Variants in ARL15 observed in about 807,000 individuals in gnomAD.
ARL15 encodes the protein ADP-ribosylation factor-like protein 15.
A neutral mutation model predicts 25.2 loss-of-function variants in ARL15; 19 were observed. That is an observed-to-expected ratio of 0.75 (90% CI 0.53 to 1.10). ARL15 has a LOEUF of 1.10. ARL15 is among the 50% of genes least tolerant of loss of function. The probability of loss-of-function intolerance (pLI) is 0.00; values close to 1 mark genes in which losing one functional copy is unlikely to be tolerated. For synonymous variants in ARL15, 94 were observed against 86.8 expected, an observed-to-expected ratio of 1.08 and a Z score of -0.46; for missense variants, 220 against 246.0, an observed-to-expected ratio of 0.89 and a Z score of 0.71.
At chr5:53,941,834 C>T (rs879815775) in intron 4 of ARL15, among the ~76,000 whole-genome samples, 4 of 152,090 alleles carry the variant, frequency 2.6e-5, no homozygotes, top group Admixed American at 2.0e-4. Context: ...GCCCACCTCT[C>T]TACAGGGTGC....
At chr5:54,226,871 A>G (rs1756533888) in intron 1 of ARL15, among the ~76,000 whole-genome samples, 1 of 152,098 alleles carries the variant, frequency 6.6e-6, no homozygotes, top group Non-Finnish European at 1.5e-5. Context: ...GCCCAGTGGG[A>G]GATAACTGAA....
chr5:54,199,365 A>G (rs1280668067), intron 1 of ARL15, among the ~76,000 whole-genome samples: 1 of 151,580 alleles, frequency 6.6e-6, no homozygotes, highest in African/African-American at 2.4e-5. Context: ...CAGGCAACCC[A>G]CAAAATGGGA....
intron 4 of ARL15, among the ~76,000 whole-genome samples, chr5:54,023,313 C>T (rs1749676146): frequency 1.3e-5 from 1 of 74,852 alleles, no homozygotes; most frequent in African/African-American, 4.4e-5. Flanking sequence ...AAAAATATTA[C>T]AGATATATGG....
At chr5:54,234,087 C>T (rs1398012340) in intron 1 of ARL15, among the ~76,000 whole-genome samples, 2 of 152,130 alleles carry the variant, frequency 1.3e-5, no homozygotes, top group Non-Finnish European at 2.9e-5. Context: ...CCTCTGCTTC[C>T]CTGATTCAAG....
chr5:54,208,861 G>A (rs556084818), intron 1 of ARL15, among the ~76,000 whole-genome samples: 109 of 152,222 alleles, frequency 7.2e-4, no homozygotes, highest in African/African-American at 2.1e-3. Context: ...CCAGATTGGC[G>A]TAGATCAGAA....
At position 53,950,874 on chromosome 5, in the gene ARL15, A is replaced by G. The variant is rs1265370871; in HGVS notation, c.463-64161T>C. 2.0e-5 allele frequency among the ~76,000 whole-genome samples: 3 copies of G among 152,340 alleles called. No individual in the cohort carries two copies. In the East Asian group the frequency reaches 5.8e-4, roughly 29 times the overall value. ...AAAGTAAGTGGCAATTAAAATCCCGAGACAGACGGGAACACTGAGACTAAG... is the reference window on the plus strand; with the variant it reads ...AAAGTAAGTGGCAATTAAAATCCCGGGACAGACGGGAACACTGAGACTAAG... On this transcript the variant is annotated intron_variant, in intron 4 of 4. Coordinates refer to ENST00000504924, the MANE Select transcript of ARL15 (RefSeq NM_019087.3).
intron 3 of ARL15, among the ~76,000 whole-genome samples, chr5:54,139,454 A>T (rs75050060): frequency 0.016 from 2,392 of 152,300 alleles, 57 homozygotes; most frequent in African/African-American, 0.053. Context: ...ATAAGTGGGA[A>T]CTAAGCTATG....
chr5:54,014,633 G>A (rs769000337), intron 4 of ARL15, among the ~76,000 whole-genome samples: 4 of 151,696 alleles, frequency 2.6e-5, no homozygotes, highest in Non-Finnish European at 5.9e-5. Flanking sequence ...CTATTCTCCT[G>A]TCTCAGCCTC....
intron 1 of ARL15, among the ~76,000 whole-genome samples, chr5:54,182,946 T>C (rs903618849): frequency 2.0e-5 from 3 of 147,374 alleles, no homozygotes; most frequent in Admixed American, 6.8e-5. Flanking sequence ...TTTGGCTCTC[T>C]GTTTGTCTGT....
chr5:53,943,844 A>G lies in ARL15; in HGVS notation c.463-57131T>C, dbSNP rs186580535. Among the ~76,000 whole-genome samples, 7 of 152,358 alleles carry G rather than the reference A, an allele frequency of 4.6e-5. No homozygotes were observed. In the East Asian group the frequency reaches 1.3e-3, roughly 29 times the overall value. ...GTCAAACCAGCGCTCAAAAGCTTCT[A>G]TGAATGATGGTCAGAATCAACAGGA... On this transcript the variant is annotated intron_variant, in intron 4 of 4. Coordinates refer to ENST00000504924, the MANE Select transcript of ARL15 (RefSeq NM_019087.3).
intron 1 of ARL15, among the ~76,000 whole-genome samples, chr5:54,227,896 GT>G (rs1321133113): frequency 6.6e-6 from 1 of 152,172 alleles, no homozygotes; most frequent in African/African-American, 2.4e-5. Context: ...TGCAGAAGGA[GT>G]TAACATTTTC....
chr5:54,218,279 T>C (rs1168549183), intron 1 of ARL15, among the ~76,000 whole-genome samples: 1 of 152,130 alleles, frequency 6.6e-6, no homozygotes, highest in Non-Finnish European at 1.5e-5. Context: ...AAATTTTGAG[T>C]TGTTAAAATA....
At chr5:54,071,526 G>A (rs255762) in intron 4 of ARL15, among the ~76,000 whole-genome samples, 5 of 10,748 alleles carry the variant, frequency 4.7e-4, no homozygotes, top group African/African-American at 3.1e-3. Flanking sequence ...CCCCCCCCCC[G>A]CAAAGCCAGA....
chr5:54,178,084 G>A (rs1187034655), intron 1 of ARL15, among the ~76,000 whole-genome samples: 1 of 152,162 alleles, frequency 6.6e-6, no homozygotes, highest in Non-Finnish European at 1.5e-5. Flanking sequence ...ACCAAGGGGT[G>A]GCCAGGCACC....
At chr5:54,269,066 T>G (rs2112639908) in intron 1 of ARL15, among the ~76,000 whole-genome samples, 1 of 150,518 alleles carries the variant, frequency 6.6e-6, no homozygotes, top group East Asian at 2.0e-4. Context: ...CTCTGGGAAC[T>G]GTTGTGGGGT....
chr5:54,236,982 G>C (rs1326387349), intron 1 of ARL15, among the ~76,000 whole-genome samples: 6 of 152,178 alleles, frequency 3.9e-5, no homozygotes, highest in Non-Finnish European at 8.8e-5. Context: ...AAAATGATGT[G>C]TACAAAGGAA....
At chr5:54,163,374 T>G (rs1265751377) in intron 2 of ARL15, among the ~76,000 whole-genome samples, 2 of 127,258 alleles carry the variant, frequency 1.6e-5, no homozygotes, top group African/African-American at 3.0e-5. Flanking sequence ...TTTTTTTTTT[T>G]TTTTTTTTTT....
At chr5:54,193,478 T>C (rs1189624845) in intron 1 of ARL15, among the ~76,000 whole-genome samples, 1 of 152,108 alleles carries the variant, frequency 6.6e-6, no homozygotes, top group Non-Finnish European at 1.5e-5. Flanking sequence ...CTGCTTCCTA[T>C]CAGATCAGCT....
At chr5:54,028,473 G>A (rs1749858089) in intron 4 of ARL15, among the ~76,000 whole-genome samples, 1 of 150,416 alleles carries the variant, frequency 6.6e-6, no homozygotes, top group Admixed American at 6.7e-5. Context: ...CCATCAAGGG[G>A]GTGGACCAGG....
Sources: allele counts gnomAD v4.1 joint callset (sites outside exome capture counted in the v4.1 genomes callset), GRCh38; gene constraint gnomAD v4.1.1; transcripts MANE v1.5; gene names NCBI Gene and HGNC (gene_info 2026-07-23, HGNC 2026-07-21).